Variants in SPNS1 observed in about 807,000 individuals in gnomAD.
SPNS1 encodes protein spinster homolog 1.
Under a neutral mutation model 50.3 loss-of-function variants are expected in SPNS1, and 22 were observed. The ratio of observed to expected loss-of-function variants is 0.44; its 90% confidence interval spans 0.31 to 0.62. The LOEUF (loss-of-function observed/expected upper bound fraction) is 0.62, where lower values mean the gene tolerates loss of function less well. SPNS1 is among the 20% of genes least tolerant of loss of function. The pLI is 0.07. For synonymous variants in SPNS1, 295 were observed against 317.4 expected, an observed-to-expected ratio of 0.93 and a Z score of 0.75; for missense variants, 576 against 728.6, an observed-to-expected ratio of 0.79 and a Z score of 2.41.
In SPNS1 at chr16:28,984,223, G is replaced by C; in HGVS notation, c.1511G>C (p.Gly504Ala). 2.5e-6 allele frequency: 4 copies of C among 1,593,174 alleles called. No homozygotes were observed. Among genetic ancestry groups the C allele is most frequent in the Non-Finnish European group, 3.4e-6 (4 of 1,168,560 alleles). ...LHVQGLLHEA[G>A]STDDRIVVPQ... ...CCCTCAGGCCTGCTGCACGAAGCAG[G>C]GTCCACAGACGACCGGATTGTGGTG... The change falls in exon 12 of 12, where the codon GGG (glycine) becomes GCG (alanine). Residue 504 changes from glycine to alanine, a missense_variant. Transcript: ENST00000311008.
At chr16:28,984,557 C>T (rs1343497983), downstream of SPNS1, 2 of 617,650 alleles carry the variant, frequency 3.2e-6, no homozygotes, top group Non-Finnish European at 2.9e-6. Context: ...CAGGTGCCTG[C>T]TCTCGTCTTT....
rs1379983317 is a variant in SPNS1 at position 28,974,805 on chromosome 16, G to A, written c.-347G>A. Reference sequence around the variant, plus strand: ...ATGACCGGCTTTAAGCAACATGGCGGCTGCCGTGGTGCAGCGCCCGGGCTG... The same window carrying A: ...ATGACCGGCTTTAAGCAACATGGCGACTGCCGTGGTGCAGCGCCCGGGCTG... On this transcript the variant is annotated 5_prime_UTR_variant, in exon 1 of 12. Transcript: ENST00000311008. 6.5e-7 allele frequency: 1 copy of A among 1,535,712 alleles called. No homozygotes were observed. The highest frequency in any genetic ancestry group is 8.7e-7 in the Non-Finnish European group (1 of 1,146,582).
In SPNS1 at chr16:28,981,330, C is replaced by A; in HGVS notation, c.664-140C>A. ...GTGGCAGCCCCCTTCCCCCAGATTG[C>A]AGGTTCGGCTTCTTGGAGCAGGCAC... On this transcript the variant is annotated intron_variant, in intron 5 of 11. Transcript: ENST00000311008. The surrounding 1 kb of genome is among the most constrained non-coding windows in gnomAD (Gnocchi z 4.2). The A allele has an allele frequency of 9.1e-7, 1 of 1,098,434 alleles. No homozygotes were observed. The highest frequency in any genetic ancestry group is 1.3e-6 in the Non-Finnish European group (1 of 784,898). 68.0% of individuals were successfully genotyped at this position (1,098,434 alleles called of 1,614,324 possible).
intron 2 of SPNS1, 33 bp downstream of exon 2, chr16:28,975,590 C>T: frequency 6.2e-7 from 1 of 1,612,072 alleles, no homozygotes; most frequent in Admixed American, 1.7e-5. Context: ...CACACAGCCG[C>T]TCCTCCTTCT....
rs770349253 is a variant in SPNS1 at position 28,983,070 on chromosome 16, G to A, written c.1222-122G>A. The stretch of plus-strand genomic sequence containing the variant: ...GTAGCAGACCCCCGGCCTGCCCTGC[G>A]ACCTCAACCCCAGGCACACCTCTGA... On this transcript the variant is annotated intron_variant, in intron 9 of 11. Coordinates refer to ENST00000311008, the MANE Select transcript of SPNS1 (RefSeq NM_032038.3). The surrounding 1 kb of genome is among the most constrained non-coding windows in gnomAD (Gnocchi z 5.4). 7.4e-6 allele frequency: 9 copies of A among 1,209,508 alleles called. No homozygotes were observed. Among genetic ancestry groups the A allele is most frequent in the South Asian group, 2.5e-5 (2 of 78,710 alleles). The allele number at this position is 1,209,508 out of a possible 1,614,324, so 74.9% of individuals were successfully genotyped here.
chr16:28,983,781 T>C lies in SPNS1; in HGVS notation c.1321-5T>C. 3 of 1,580,536 alleles carry C rather than the reference T, an allele frequency of 1.9e-6. No homozygotes were observed. The highest frequency in any genetic ancestry group is 2.6e-6 in the Non-Finnish European group (3 of 1,164,554). On this transcript the variant is annotated splice_region_variant and splice_polypyrimidine_tract_variant and intron_variant, in intron 10 of 11. Transcript: ENST00000311008. The surrounding 1 kb of genome is among the most constrained non-coding windows in gnomAD (Gnocchi z 5.4). ...CCCTGGCTTTCCTGTCTCCTCTCCC[T>C]GCAGATCTCTGACCGCCTGCGCCGG...
At position 28,983,251 on chromosome 16, in the gene SPNS1, C is replaced by T. The variant is rs776857551; in HGVS notation, c.1281C>T (p.His427=). 2.5e-6 allele frequency: 4 copies of T among 1,614,148 alleles called. No individual in the cohort carries two copies. Among genetic ancestry groups the T allele is most frequent in the Non-Finnish European group, 3.4e-6 (4 of 1,180,000 alleles). ...AGGCCTTCCAGATCGTGCTGTCCCA[C>T]CTGCTGGGTGATGCTGGGAGCCCCT... is the stretch of plus-strand genomic sequence containing the variant. The part of the protein sequence containing the change: ...TAEAFQIVLS[H]LLGDAGSPYL... Residue 427 remains histidine (H), a synonymous_variant, in exon 10 of 12, where the codon CAC becomes CAT. Transcript: ENST00000311008. This position sits in a 1 kb window ranked among gnomAD's most constrained non-coding sequence, Gnocchi z 5.4.
chr16:28,979,266 C>T lies in SPNS1; in HGVS notation c.556C>T (p.Arg186Trp), dbSNP rs150373976. Residue 186 changes from arginine to tryptophan, a missense_variant, in exon 4 of 12, where the codon CGG becomes TGG. Physicochemically the swap from Arg to Trp is moderately radical, Grantham distance 101. Transcript: ENST00000311008. Reference sequence around the variant, plus strand: ...CCTCTTTGTGGCCGACCAGCGGAGCCGGATGCTCAGCATCTTCTACTTTGC... The same window carrying T: ...CCTCTTTGTGGCCGACCAGCGGAGCTGGATGCTCAGCATCTTCTACTTTGC... ...ADLFVADQRS[R>W]MLSIFYFAIP... 4.7e-5 allele frequency: 76 copies of T among 1,614,188 alleles called. No individual in the cohort carries two copies. Among genetic ancestry groups the T allele is most frequent in the Non-Finnish European group, 5.5e-5 (65 of 1,180,038 alleles).
intron 2 of SPNS1, among the ~76,000 whole-genome samples, chr16:28,976,865 G>A (rs1330575999): frequency 1.3e-5 from 2 of 152,170 alleles, no homozygotes; most frequent in African/African-American, 4.8e-5. Context: ...CACCTGTTTT[G>A]CACTAGGCTG....
Position 28,975,131 on chromosome 16 carries a change from C to T in SPNS1, c.-21C>T, listed in dbSNP as rs957726281. 4.1e-6 allele frequency: 6 copies of T among 1,469,330 alleles called. No individual in the cohort carries two copies. In the African/African-American group the frequency reaches 5.7e-5, roughly 14 times the overall value. 91.0% of individuals were successfully genotyped at this position (1,469,330 alleles called of 1,614,324 possible). On this transcript the variant is annotated 5_prime_UTR_variant, in exon 1 of 12. Coordinates refer to ENST00000311008, the MANE Select transcript of SPNS1 (RefSeq NM_032038.3). ...ATCGTCGGTGGGACCGGAGCGCGGG[C>T]GGGCGCGGCCCCCCGGGACCATGGC...
Position 28,975,043 on chromosome 16 carries a change from G to C in SPNS1, c.-109G>C, listed in dbSNP as rs45468993. The C allele has an allele frequency of 0.02, 27,986 of 1,431,246 alleles. 359 individuals are homozygous for C. The highest frequency in any genetic ancestry group is 0.023 in the Non-Finnish European group (25,529 of 1,095,830). The allele number at this position is 1,431,246 out of a possible 1,614,324, so 88.7% of individuals were successfully genotyped here. On this transcript the variant is annotated 5_prime_UTR_variant, in exon 1 of 12. Transcript: ENST00000311008. ...CAGGGCAAGCTCCCCGTCTCCGGGC[G>C]CACTTCCCTCGCCTGTGTTCGGTCC...
intron 9 of SPNS1, 53 bp downstream of exon 9, chr16:28,982,975 T>C: frequency 6.3e-7 from 1 of 1,598,788 alleles, no homozygotes; most frequent in Non-Finnish European, 8.6e-7. Context: ...AGAGCAGAGT[T>C]GGGGTCAGGA....
At chr16:28,977,573 G>A (rs1477624090) in intron 2 of SPNS1, among the ~76,000 whole-genome samples, 1 of 152,190 alleles carries the variant, frequency 6.6e-6, no homozygotes, top group Non-Finnish European at 1.5e-5. Flanking sequence ...AAAAAGGCTG[G>A]CCATGAGTGT....
chr16:28,982,967 A>G (rs1567526867), intron 9 of SPNS1, 45 bp downstream of exon 9: 1 of 1,606,122 alleles, frequency 6.2e-7, no homozygotes, highest in Non-Finnish European at 8.5e-7. Context: ...GGCTGATGAG[A>G]GCAGAGTTGG....
At chr16:28,984,570 C>T, downstream of SPNS1, 2 of 615,212 alleles carry the variant, frequency 3.3e-6, no homozygotes, top group South Asian at 3.8e-5. Flanking sequence ...TCGTCTTTCT[C>T]TGGGTGGCCT....
Position 28,975,275 on chromosome 16 carries a change from C to G in SPNS1, c.124C>G (p.Pro42Ala). The G allele has an allele frequency of 6.4e-7, 1 of 1,569,156 alleles. No individual in the cohort carries two copies. Among genetic ancestry groups the G allele is most frequent in the Non-Finnish European group, 8.6e-7 (1 of 1,156,260 alleles). Residue 42 changes from proline to alanine, a missense_variant, in exon 1 of 12, where the codon CCG (proline) becomes GCG (alanine). Pro to Ala is a conservative substitution (Grantham distance 27). Coordinates refer to ENST00000311008, the MANE Select transcript of SPNS1 (RefSeq NM_032038.3). ...CCCGAAGTCCGAGGAGCCCGAGGTCCCGGACCAGGAGGGGCTGCAGCGCAT... is the reference window on the plus strand; with the variant it reads ...CCCGAAGTCCGAGGAGCCCGAGGTCGCGGACCAGGAGGGGCTGCAGCGCAT... ...GNPKSEEPEV[P>A]DQEGLQRITG...
At position 28,983,996 on chromosome 16, in the gene SPNS1, G is replaced by A. The variant is rs777395936; in HGVS notation, c.1492+39G>A. 3.3e-6 allele frequency: 5 copies of A among 1,523,784 alleles called. No homozygotes were observed. The highest frequency in any genetic ancestry group is 1.4e-5 in the African/African-American group (1 of 72,558). The allele number at this position is 1,523,784 out of a possible 1,614,324, so 94.4% of individuals were successfully genotyped here. The stretch of plus-strand genomic sequence containing the variant: ...TGTGCCCGGCCCAGCTTCTTGATCT[G>A]CCTGTCTGTCTGTCCATCTGTCTGC... On this transcript the variant is annotated intron_variant, in intron 11 of 11. Transcript: ENST00000311008. The surrounding 1 kb of genome is among the most constrained non-coding windows in gnomAD (Gnocchi z 5.4).
chr16:28,984,216 G>C lies in SPNS1; in HGVS notation c.1504G>C (p.Glu502Gln). The C allele has an allele frequency of 6.3e-7, 1 of 1,582,580 alleles. No individual in the cohort carries two copies. The highest frequency in any genetic ancestry group is 8.6e-7 in the Non-Finnish European group (1 of 1,162,534). The change falls in exon 12 of 12, where the codon GAA becomes CAA. Residue 502 changes from glutamate (E) to glutamine (Q), a missense_variant. Glu to Gln is a conservative substitution (Grantham distance 29). Coordinates refer to ENST00000311008, the MANE Select transcript of SPNS1 (RefSeq NM_032038.3). ...CCCTCCCCCCTCAGGCCTGCTGCAC[G>C]AAGCAGGGTCCACAGACGACCGGAT... ...AQLHVQGLLHEAGSTDDRIVV... is the reference protein window; with the variant it reads ...AQLHVQGLLHQAGSTDDRIVV...
intron 11 of SPNS1, 68 bp downstream of exon 11, chr16:28,984,025 C>A: frequency 2.0e-6 from 3 of 1,502,368 alleles, no homozygotes; most frequent in African/African-American, 1.4e-5. Flanking sequence ...TGTCTGCCCA[C>A]TCCTGTGCAC....
Sources: allele counts gnomAD v4.1 joint callset (sites outside exome capture counted in the v4.1 genomes callset), GRCh38; gene constraint gnomAD v4.1.1; non-coding constraint Gnocchi (gnomAD v3.1); transcripts MANE v1.5; gene names NCBI Gene and HGNC (gene_info 2026-07-23, HGNC 2026-07-21).